SLC30A7: variants seen among roughly 807,000 people sequenced by gnomAD.
The protein encoded by SLC30A7 is solute carrier family 30 member 7.
SLC30A7 carries 35 observed loss-of-function variants against 46.0 expected under a neutral mutation model. The observed-to-expected ratio is 0.76, with a 90% CI of 0.58 to 1.01. The LOEUF (loss-of-function observed/expected upper bound fraction) is 1.01. Ranked by LOEUF, SLC30A7 falls within the 50% of genes least tolerant of loss-of-function variation. The pLI is 0.00. For synonymous variants in SLC30A7, 147 were observed against 157.8 expected (o/e 0.93, Z 0.51); for missense variants, 464 against 451.1 (o/e 1.03, Z -0.26).
Position 100,913,726 on chromosome 1 carries a change from A to G in SLC30A7, c.575A>G (p.His192Arg), listed in dbSNP as rs143055480. ...GATCAGGCACATGGCCATGTCGATC[A>G]TTGCCATAGCCATGAAGTGAAACAT... ...ALDQAHGHVDHCHSHEVKHGA... is the reference protein window; with the variant it reads ...ALDQAHGHVDRCHSHEVKHGA... Residue 192 changes from histidine to arginine, a missense_variant, in exon 6 of 11, where the codon CAT becomes CGT. Transcript: ENST00000357650. 1.2e-6 allele frequency: 2 copies of G among 1,613,862 alleles called. No homozygotes were observed. Among genetic ancestry groups the G allele is most frequent in the African/African-American group, 1.3e-5 (1 of 74,932 alleles).
downstream of SLC30A7, among the ~76,000 whole-genome samples, chr1:100,986,637 G>A (rs1018199474): frequency 1.3e-5 from 2 of 152,160 alleles, no homozygotes; most frequent in Admixed American, 6.5e-5. Flanking sequence ...GCAAAAACCT[G>A]TTATGTTAAT....
At chr1:100,970,369 GT>G (rs1368435073) in intron 10 of SLC30A7, among the ~76,000 whole-genome samples, 4 of 152,014 alleles carry the variant, frequency 2.6e-5, no homozygotes. Context: ...TAAAACTATA[GT>G]TTTGTGACTA....
the SLC30A7 span, among the ~76,000 whole-genome samples, chr1:100,988,643 C>T: frequency 1.3e-5 from 2 of 151,922 alleles, no homozygotes; most frequent in Non-Finnish European, 1.5e-5. Context: ...GTCAGGAGTT[C>T]AAGACCAGCC....
At chr1:100,905,720 T>G (rs1158475264) in intron 2 of SLC30A7, among the ~76,000 whole-genome samples, 3 of 152,198 alleles carry the variant, frequency 2.0e-5, no homozygotes, top group African/African-American at 7.2e-5. Context: ...ATATTGTAAT[T>G]TTTAAAAAAT....
chr1:100,941,245 C>A (rs1345892384), intron 8 of SLC30A7: 7 of 375,756 alleles, frequency 1.9e-5, no homozygotes, highest in African/African-American at 1.5e-4. Flanking sequence ...CCATTTTAAC[C>A]ATCCCACTGC....
At chr1:100,985,161 A>T (rs1657196166), downstream of SLC30A7, among the ~76,000 whole-genome samples, 1 of 152,226 alleles carries the variant, frequency 6.6e-6, no homozygotes, top group African/African-American at 2.4e-5. Flanking sequence ...ACAACAATGA[A>T]CAAAGCTCGG....
chr1:100,988,108 G>A, the SLC30A7 span, among the ~76,000 whole-genome samples: 1 of 152,000 alleles, frequency 6.6e-6, no homozygotes, highest in East Asian at 1.9e-4. Flanking sequence ...TTGAGAGTTA[G>A]CTAAGGATTT....
chr1:100,930,770 G>T (rs973603660), intron 8 of SLC30A7, among the ~76,000 whole-genome samples: 3 of 152,042 alleles, frequency 2.0e-5, no homozygotes, highest in African/African-American at 7.2e-5. Flanking sequence ...CTTGCTGCTT[G>T]TATATGTGCC....
At position 100,907,008 on chromosome 1, in the gene SLC30A7, T is replaced by TA. The variant is rs775429833; in HGVS notation, c.296+44dup. The stretch of plus-strand genomic sequence containing the variant: ...AAAATCTTTTTATTGAAGTATAAGA[T>TA]ATACACAAAAAAACACTAATCTTAA... On this transcript the variant is annotated intron_variant, in intron 3 of 10. Transcript: ENST00000357650. 3.1e-6 allele frequency: 4 copies of TA among 1,276,432 alleles called. No individual in the cohort carries two copies. In the Admixed American group the frequency reaches 7.4e-5, roughly 24 times the overall value. 79.1% of individuals were successfully genotyped at this position (1,276,432 alleles called of 1,614,324 possible).
rs1652413732 is a variant in SLC30A7, at chr1:100,915,184, TTTTCTTTCTTTTC to T, written c.655+1390_655+1402del. Among the ~76,000 whole-genome samples, 14 of 141,450 alleles carry T rather than the reference TTTTCTTTCTTTTC, an allele frequency of 9.9e-5. No individual in the cohort carries two copies. In the South Asian group the frequency reaches 3.7e-3, roughly 37 times the overall value. The allele number at this position is 141,450 out of a possible 152,430, so 92.8% of individuals were successfully genotyped here. On this transcript the variant is annotated intron_variant, in intron 6 of 10. Transcript: ENST00000357650. ...CTCACTTCTTTTCTTTTTTCTTTTCTTTTCTTTCTTTTCTTTCTTTCTTTCTTTCTTTCTTTCT... is the reference window on the plus strand; with the variant it reads ...CTCACTTCTTTTCTTTTTTCTTTTCTTTTCTTTCTTTCTTTCTTTCTTTCT...
chr1:100,911,701 C>T (rs1411382247), intron 4 of SLC30A7, among the ~76,000 whole-genome samples: 1 of 152,054 alleles, frequency 6.6e-6, no homozygotes, highest in Non-Finnish European at 1.5e-5. Flanking sequence ...AGGAGCCCAC[C>T]ACCATGCCCA....
rs144554356 is a variant in SLC30A7, at chr1:100,916,536, A to G, written c.656-1541A>G. Among the ~76,000 whole-genome samples, 1,347 of 152,220 alleles carry G rather than the reference A, an allele frequency of 8.8e-3. 30 individuals are homozygous for G. Among genetic ancestry groups the G allele is most frequent in the African/African-American group, 0.031 (1,299 of 41,528 alleles). ...ATGAGATGTTTTGATACAGGCATGCAGTGTGAAATAATCACATCATGGAGA... is the reference window on the plus strand; with the variant it reads ...ATGAGATGTTTTGATACAGGCATGCGGTGTGAAATAATCACATCATGGAGA... On this transcript the variant is annotated intron_variant, in intron 6 of 10. Coordinates refer to ENST00000357650, the MANE Select transcript of SLC30A7 (RefSeq NM_133496.5).
intron 3 of SLC30A7, among the ~76,000 whole-genome samples, chr1:100,908,233 C>T (rs1651817292): frequency 1.3e-5 from 2 of 151,980 alleles, no homozygotes; most frequent in African/African-American, 4.8e-5. Flanking sequence ...CCCTTTCTCC[C>T]TGGCTTGGCT....
chr1:100,925,217 T>A (rs550942965), intron 8 of SLC30A7, among the ~76,000 whole-genome samples: 2 of 152,324 alleles, frequency 1.3e-5, no homozygotes, highest in African/African-American at 4.8e-5. Context: ...AGCCTTGTGG[T>A]AAAAGCAGCT....
the SLC30A7 span, among the ~76,000 whole-genome samples, chr1:100,986,919 T>C: frequency 4.0e-5 from 6 of 151,030 alleles, no homozygotes; most frequent in Non-Finnish European, 7.4e-5. Flanking sequence ...AATAATCAAA[T>C]GTATGCAGCC....
rs752499185 is a variant in SLC30A7 at position 100,974,855 on chromosome 1, T to A, written c.1129T>A (p.Ter377LysextTer1). The change falls in exon 11 of 11, where the codon TAG becomes AAG. Residue 377 changes from the stop codon to lysine (K), a stop_lost. Transcript: ENST00000357650. ...CGTACAGATTGACTTTGCAGCCATGTAGTGAATGGAAAGAAATTATGCACC... is the reference window on the plus strand; with the variant it reads ...CGTACAGATTGACTTTGCAGCCATGAAGTGAATGGAAAGAAATTATGCACC... ...LYVQIDFAAM* is the reference protein window; with the variant it reads ...LYVQIDFAAMK 4 of 1,599,180 alleles carry A rather than the reference T, an allele frequency of 2.5e-6. No individual in the cohort carries two copies. In the South Asian group the frequency reaches 4.5e-5, roughly 18 times the overall value.
At position 100,967,418 on chromosome 1, in the gene SLC30A7, G is replaced by A. The variant is rs538905886; in HGVS notation, c.1083+1500G>A. On this transcript the variant is annotated intron_variant, in intron 10 of 10. Coordinates refer to ENST00000357650, the MANE Select transcript of SLC30A7 (RefSeq NM_133496.5). The stretch of plus-strand genomic sequence containing the variant: ...GAGAATCTAATGCCACAGTTCACCC[G>A]CCACTCACCGCTGTGAGTGGCCTTG... Among the ~76,000 whole-genome samples, 5 of 152,118 alleles carry A rather than the reference G, an allele frequency of 3.3e-5. No individual in the cohort carries two copies. The South Asian group carries it at 8.3e-4, about 25-fold the overall frequency.
rs1397575803 is a variant in SLC30A7, at chr1:100,965,761, T to A, written c.934-8T>A. ...TTATGATGTTAATATCTCTCCTTTA[T>A]ATTTCAGGTACAGCAGTTGCAAGGA... On this transcript the variant is annotated splice_region_variant and splice_polypyrimidine_tract_variant and intron_variant, in intron 9 of 10. Coordinates refer to ENST00000357650, the MANE Select transcript of SLC30A7 (RefSeq NM_133496.5). 9 of 1,611,890 alleles carry A rather than the reference T, an allele frequency of 5.6e-6. No individual in the cohort carries two copies. The highest frequency in any genetic ancestry group is 1.1e-5 in the South Asian group (1 of 91,022).
intron 8 of SLC30A7, chr1:100,941,602 A>C: frequency 8.5e-6 from 5 of 586,882 alleles, no homozygotes; most frequent in Non-Finnish European, 1.6e-5. Flanking sequence ...CTCTTAGGTG[A>C]TGTTCTTCAG....
Sources: gnomAD v4.1 joint callset for allele counts (sites outside exome capture counted in the v4.1 genomes callset) on GRCh38, gnomAD v4.1.1 for gene constraint, MANE v1.5 for transcripts, NCBI Gene and HGNC (gene_info 2026-07-23, HGNC 2026-07-21) for gene names.